LSM1: variants seen among roughly 807,000 people sequenced by gnomAD.
The protein encoded by LSM1 is U6 snRNA-associated Sm-like protein LSm1.
A neutral mutation model predicts 18.0 loss-of-function variants in LSM1; 13 were observed. The observed-to-expected ratio is 0.72, with a 90% confidence interval of 0.47 to 1.15. LSM1 has a LOEUF of 1.15. Among genes scored for constraint, LSM1 ranks in the 50% most tolerant of loss-of-function variants. The pLI is 0.00. For synonymous variants in LSM1, 46 were observed against 56.0 expected, an observed-to-expected ratio of 0.82 and a Z score of 0.80; for missense variants, 152 against 157.7, an observed-to-expected ratio of 0.96 and a Z score of 0.19.
intron 3 of LSM1, among the ~76,000 whole-genome samples, chr8:38,168,667 A>T (rs900723450): frequency 6.6e-6 from 1 of 151,692 alleles, no homozygotes; most frequent in Admixed American, 6.6e-5. Flanking sequence ...CACTGAACTA[A>T]AAGTACAAAC....
intron 1 of LSM1, 57 bp downstream of exon 1, chr8:38,176,218 C>T: frequency 6.6e-7 from 1 of 1,516,526 alleles, no homozygotes; most frequent in Non-Finnish European, 9.1e-7. Context: ...GAAGAGGCGC[C>T]CGCCCGGGAG....
intron 3 of LSM1, among the ~76,000 whole-genome samples, chr8:38,168,420 G>A (rs1384783144): frequency 1.3e-5 from 2 of 151,118 alleles, no homozygotes; most frequent in Admixed American, 6.6e-5. Flanking sequence ...GTGAAACCCC[G>A]TCTCTACTAA....
At position 38,176,041 on chromosome 8, in the gene LSM1, C is replaced by G. The variant is rs1044317115; in HGVS notation, c.46+234G>C. 3 of 456,622 alleles carry G rather than the reference C, an allele frequency of 6.6e-6. No individual in the cohort carries two copies. In the East Asian group the frequency reaches 1.1e-4, roughly 17 times the overall value. The allele number at this position is 456,622 out of a possible 1,614,324, so 28.3% of individuals were successfully genotyped here. A position where few individuals can be genotyped will look rare whatever the true frequency, so the allele number is the denominator to read the frequency against. On this transcript the variant is annotated intron_variant, in intron 1 of 3. Transcript: ENST00000311351. ...CAAGAATGAGTTCCATCGCTTGGGG[C>G]TCACCAGCTAGAGGGCTGGCGGAGG...
At position 38,165,006 on chromosome 8, in the gene LSM1, T is replaced by A. The variant is rs551440530; in HGVS notation, c.232-1166A>T. On this transcript the variant is annotated intron_variant, in intron 3 of 3. Transcript: ENST00000311351. Reference sequence around the variant, plus strand: ...CTAGGGAGAACCTCGGCAGACCATTTAGGTTACTAAACCAATTTGGTCCCA... The same window carrying A: ...CTAGGGAGAACCTCGGCAGACCATTAAGGTTACTAAACCAATTTGGTCCCA... 2.0e-5 allele frequency among the ~76,000 whole-genome samples: 3 copies of A among 152,304 alleles called. No individual in the cohort carries two copies. The East Asian group carries it at 5.8e-4, about 29-fold the overall frequency.
At chr8:38,175,025 C>CAAAAA (rs1203614273) in intron 1 of LSM1, among the ~76,000 whole-genome samples, 57 of 56,032 alleles carry the variant, frequency 1.0e-3, no homozygotes, top group Non-Finnish European at 1.2e-3. Context: ...GACTCTGTCT[C>CAAAAA]AAAAAAAAAA....
chr8:38,166,326 C>T (rs1227048070), intron 3 of LSM1, among the ~76,000 whole-genome samples: 1 of 152,130 alleles, frequency 6.6e-6, no homozygotes, highest in African/African-American at 2.4e-5. Flanking sequence ...TGCTATGTTG[C>T]CCAGGCTGGT....
At chr8:38,166,487 G>A (rs2130639331) in intron 3 of LSM1, among the ~76,000 whole-genome samples, 1 of 152,286 alleles carries the variant, frequency 6.6e-6, no homozygotes, top group East Asian at 1.9e-4. Flanking sequence ...TCAGTTTATT[G>A]TCCTTAAAAT....
chr8:38,176,525 C>T, upstream of LSM1: 2 of 579,784 alleles, frequency 3.4e-6, no homozygotes, highest in South Asian at 4.6e-5. Flanking sequence ...CACGTGTGGG[C>T]CCCCAGGAAG....
Position 38,176,299 on chromosome 8 carries a change from C to T in LSM1, c.22G>A (p.Ala8Thr), listed in dbSNP as rs1189641929. Reference sequence around the variant, plus strand: ...CTGTCAATGTCCTCGATGAGGCTGGCGGTGCCAGGCATATAGTTCATTTTG... The same window carrying T: ...CTGTCAATGTCCTCGATGAGGCTGGTGGTGCCAGGCATATAGTTCATTTTG... MNYMPGT[A>T]SLIEDIDKKH... The change falls in exon 1 of 4, where the codon GCC becomes ACC. Residue 8 changes from alanine (A) to threonine (T), a missense_variant. Ala to Thr is a moderately conservative substitution (Grantham distance 58, BLOSUM62 0). Coordinates refer to ENST00000311351, the MANE Select transcript of LSM1 (RefSeq NM_014462.3). 3.7e-6 allele frequency: 6 copies of T among 1,613,256 alleles called. No individual in the cohort carries two copies. Among genetic ancestry groups the T allele is most frequent in the East Asian group, 2.2e-5 (1 of 44,852 alleles).
chr8:38,175,929 C>T (rs923119487), intron 1 of LSM1: 2 of 242,042 alleles, frequency 8.3e-6, no homozygotes, highest in Non-Finnish European at 1.6e-5. Flanking sequence ...CTTCGAAATA[C>T]TGCAGGCAGG....
At chr8:38,171,404 T>C (rs553496338) in intron 2 of LSM1, among the ~76,000 whole-genome samples, 22 of 152,188 alleles carry the variant, frequency 1.4e-4, no homozygotes, top group African/African-American at 5.1e-4. Flanking sequence ...CCTAAAACCA[T>C]GAGGAGCAGA....
At chr8:38,170,900 CTA>C (rs1480055129) in intron 2 of LSM1, 1 of 301,368 alleles carries the variant, frequency 3.3e-6, no homozygotes, top group Non-Finnish European at 7.0e-6. Context: ...AAGGAGAAAT[CTA>C]TGTTCATATC....
intron 3 of LSM1, 148 bp from the exon 4 acceptor site, chr8:38,163,988 GTTTT>G: frequency 1.5e-6 from 1 of 678,426 alleles, no homozygotes; most frequent in Non-Finnish European, 2.5e-6. Flanking sequence ...GGACCGGTAA[GTTTT>G]TCAAAGAAAT....
intron 3 of LSM1, among the ~76,000 whole-genome samples, chr8:38,164,463 C>T (rs1299517510): frequency 2.6e-5 from 4 of 151,738 alleles, no homozygotes; most frequent in Non-Finnish European, 4.4e-5. Context: ...AGCTATCTCC[C>T]CCACTGCAGA....
rs1427863358 is a variant in LSM1 at position 38,163,770 on chromosome 8, A to G, written c.302T>C (p.Val101Ala). The G allele has an allele frequency of 6.2e-7, 1 of 1,613,876 alleles. No individual in the cohort carries two copies. Among genetic ancestry groups the G allele is most frequent in the African/African-American group, 1.3e-5 (1 of 74,858 alleles). Residue 101 changes from valine to alanine, a missense_variant, in exon 4 of 4, where the codon GTG becomes GCG. Physicochemically the swap from Val to Ala is moderately conservative, Grantham distance 64. Coordinates refer to ENST00000311351, the MANE Select transcript of LSM1 (RefSeq NM_014462.3). The part of the protein sequence containing the change: ...SIEEILEEQR[V>A]EQQTKLEAEK... Reference sequence around the variant, plus strand: ...TGCTTCCAGCTTGGTCTGCTGTTCCACCCTTTGTTCTTCTAGAATTTCTTC... The same window carrying G: ...TGCTTCCAGCTTGGTCTGCTGTTCCGCCCTTTGTTCTTCTAGAATTTCTTC...
intron 2 of LSM1, among the ~76,000 whole-genome samples, chr8:38,170,320 A>T (rs948354133): frequency 2.0e-5 from 3 of 152,228 alleles, no homozygotes; most frequent in Non-Finnish European, 4.4e-5. Context: ...TACAGGCGTG[A>T]GCCACAGTGC....
At chr8:38,176,091 G>C (rs1453514005) in intron 1 of LSM1, 184 bp downstream of exon 1, 14 of 508,768 alleles carry the variant, frequency 2.8e-5, no homozygotes, top group Non-Finnish European at 4.5e-5. Context: ...AGTAGCAGCA[G>C]GCTACTGGGT....
chr8:38,171,875 G>T, intron 2 of LSM1, 90 bp downstream of exon 2: 2 of 930,904 alleles, frequency 2.1e-6, no homozygotes, highest in Non-Finnish European at 3.4e-6. Context: ...TGAAAAAGTT[G>T]CAGATAAATT....
Position 38,176,449 on chromosome 8 carries a change from C to G in LSM1, c.-129G>C. ...ATCCCGACCGAGACCAGCACTTCTG[C>G]CCCGGCTTTCAGCCGCCGGGGGCTG... On this transcript the variant is annotated 5_prime_UTR_variant, in exon 1 of 4. Transcript: ENST00000311351. 4.1e-6 allele frequency: 3 copies of G among 727,814 alleles called. No individual in the cohort carries two copies. The highest frequency in any genetic ancestry group is 2.5e-5 in the Admixed American group (1 of 40,192). The allele number at this position is 727,814 out of a possible 1,614,324, so 45.1% of individuals were successfully genotyped here.
Sources: gnomAD v4.1 joint callset for allele counts (sites outside exome capture counted in the v4.1 genomes callset) on GRCh38, gnomAD v4.1.1 for gene constraint, MANE v1.5 for transcripts, NCBI Gene and HGNC (gene_info 2026-07-23, HGNC 2026-07-21) for gene names.